Variants in RPS6KC1 observed in about 807,000 individuals in gnomAD.
The protein encoded by RPS6KC1 is inactive ribosomal protein S6 kinase delta-1.
A neutral mutation model predicts 103.8 loss-of-function variants in RPS6KC1; 54 were observed. The observed-to-expected ratio is 0.52, with a 90% confidence interval of 0.42 to 0.65. The LOEUF (loss-of-function observed/expected upper bound fraction) is 0.65, where lower values mean the gene tolerates loss of function less well. Ranked by LOEUF, RPS6KC1 falls within the 30% of genes least tolerant of loss-of-function variation. The probability of loss-of-function intolerance (pLI) is 0.00; values close to 1 mark genes in which losing one functional copy is unlikely to be tolerated. For synonymous variants in RPS6KC1, 439 were observed against 438.7 expected (o/e 1.00, Z -0.01); for missense variants, 1,151 against 1,253.8 (o/e 0.92, Z 1.24).
chr1:213,777,452 C>T, the RPS6KC1 span, among the ~76,000 whole-genome samples: 1 of 152,130 alleles, frequency 6.6e-6, no homozygotes, highest in Non-Finnish European at 1.5e-5. Context: ...TCAGAACACA[C>T]ACACTTATCG....
the RPS6KC1 span, among the ~76,000 whole-genome samples, chr1:213,311,439 GC>G: frequency 6.6e-6 from 1 of 152,048 alleles, no homozygotes; most frequent in Non-Finnish European, 1.5e-5. Context: ...TGCCTGGCCG[GC>G]AGTGCTCTTT....
At chr1:213,311,140 C>G in the RPS6KC1 span, among the ~76,000 whole-genome samples, 2 of 148,092 alleles carry the variant, frequency 1.4e-5, no homozygotes, top group Admixed American at 6.7e-5. Context: ...TTAATTTAGG[C>G]ATTTTTTTTT....
chr1:213,186,722 A>T (rs895527621), intron 8 of RPS6KC1, among the ~76,000 whole-genome samples: 7 of 152,100 alleles, frequency 4.6e-5, no homozygotes, highest in Admixed American at 2.0e-4. Flanking sequence ...GTCTTTTGAG[A>T]TAATTTTTAA....
At chr1:213,102,324 T>TGA (rs1301455277) in intron 3 of RPS6KC1, among the ~76,000 whole-genome samples, 2 of 152,234 alleles carry the variant, frequency 1.3e-5, no homozygotes, top group Admixed American at 6.5e-5. Flanking sequence ...TAGGCTCAAG[T>TGA]GATCCTTCTG....
intron 8 of RPS6KC1, among the ~76,000 whole-genome samples, chr1:213,218,210 A>G (rs1175912780): frequency 6.6e-6 from 1 of 152,164 alleles, no homozygotes; most frequent in African/African-American, 2.4e-5. Context: ...AAAAATCACA[A>G]GCATTCTTAT....
At chr1:213,678,515 A>G in the RPS6KC1 span, among the ~76,000 whole-genome samples, 1 of 152,228 alleles carries the variant, frequency 6.6e-6, no homozygotes. Flanking sequence ...GTAAGGTCAG[A>G]GGCTCCCCAG....
intron 10 of RPS6KC1, among the ~76,000 whole-genome samples, chr1:213,239,841 GT>G (rs2094310823): frequency 1.3e-5 from 2 of 152,016 alleles, no homozygotes; most frequent in South Asian, 4.2e-4. Context: ...GTTATAGCAG[GT>G]TTTTGGTACT....
chr1:213,569,871 A>G, the RPS6KC1 span, among the ~76,000 whole-genome samples: 1 of 152,208 alleles, frequency 6.6e-6, no homozygotes, highest in Admixed American at 6.5e-5. Flanking sequence ...CTACAAAGAA[A>G]TCTAAGGCCT....
chr1:213,088,774 A>C (rs2080680477), intron 3 of RPS6KC1, among the ~76,000 whole-genome samples: 1 of 152,194 alleles, frequency 6.6e-6, no homozygotes, highest in Admixed American at 6.5e-5. Context: ...GTTCTGAATG[A>C]TCTGAAGTAA....
At chr1:213,317,008 G>A in the RPS6KC1 span, among the ~76,000 whole-genome samples, 14 of 152,222 alleles carry the variant, frequency 9.2e-5, no homozygotes, top group South Asian at 2.1e-4. Flanking sequence ...TATAGGAGCC[G>A]TAATAGATTT....
At chr1:213,513,313 A>T in the RPS6KC1 span, among the ~76,000 whole-genome samples, 1 of 152,224 alleles carries the variant, frequency 6.6e-6, no homozygotes, top group African/African-American at 2.4e-5. Context: ...ACTGAGATCC[A>T]TCTCTGACTT....
At chr1:213,738,562 GA>G in the RPS6KC1 span, among the ~76,000 whole-genome samples, 7 of 151,782 alleles carry the variant, frequency 4.6e-5, no homozygotes, top group African/African-American at 1.7e-4. Context: ...CAGTAAAATA[GA>G]ACAGAAAAAT....
the RPS6KC1 span, among the ~76,000 whole-genome samples, chr1:213,481,220 A>G: frequency 5.9e-5 from 9 of 152,200 alleles, no homozygotes; most frequent in African/African-American, 1.4e-4. Flanking sequence ...TGGTAAAACT[A>G]GTTTATGTGA....
the RPS6KC1 span, among the ~76,000 whole-genome samples, chr1:213,685,160 G>A: frequency 1.3e-5 from 2 of 152,090 alleles, no homozygotes; most frequent in Non-Finnish European, 2.9e-5. Context: ...CTGCTTTGTT[G>A]TAACCAGTTT....
At chr1:213,722,301 TA>T in the RPS6KC1 span, among the ~76,000 whole-genome samples, 2 of 152,174 alleles carry the variant, frequency 1.3e-5, no homozygotes, top group Non-Finnish European at 2.9e-5. Context: ...ACTCCTCCAG[TA>T]CCCAAACTTT....
chr1:213,728,937 G>GTTTT, the RPS6KC1 span, among the ~76,000 whole-genome samples: 1,332 of 93,314 alleles, frequency 0.014, 251 homozygotes, highest in East Asian at 0.16. Context: ...GAACATGAGG[G>GTTTT]TTTTTTTTTT....
the RPS6KC1 span, among the ~76,000 whole-genome samples, chr1:213,356,267 T>C: frequency 6.6e-6 from 1 of 152,212 alleles, no homozygotes; most frequent in African/African-American, 2.4e-5. Flanking sequence ...CTTTTTCCTA[T>C]CTTGTTAACA....
the RPS6KC1 span, among the ~76,000 whole-genome samples, chr1:213,825,158 G>A: frequency 6.6e-6 from 1 of 152,222 alleles, no homozygotes; most frequent in East Asian, 1.9e-4. Flanking sequence ...AGGCTCTGAA[G>A]CGTCAATTAA....
the RPS6KC1 span, among the ~76,000 whole-genome samples, chr1:213,290,002 GCACTCCAGC>G: frequency 3.0e-4 from 45 of 152,218 alleles, no homozygotes; most frequent in African/African-American, 1.0e-3. Flanking sequence ...TCGCACCATT[GCACTCCAGC>G]CTGGGAGACA....
Sources: allele counts gnomAD v4.1 joint callset (sites outside exome capture counted in the v4.1 genomes callset), GRCh38; gene constraint gnomAD v4.1.1; transcripts MANE v1.5; gene names NCBI Gene and HGNC (gene_info 2026-07-23, HGNC 2026-07-21).